SH3GL1: variants seen among roughly 807,000 people sequenced by gnomAD.
SH3GL1 encodes endophilin-A2.
SH3GL1 carries 21 observed loss-of-function variants against 48.8 expected under a neutral mutation model. The observed-to-expected ratio is 0.43, with a 90% CI of 0.30 to 0.62. The LOEUF is 0.62. Among genes scored for constraint, SH3GL1 ranks in the 20% least tolerant of loss-of-function variants. The pLI, the probability that SH3GL1 is intolerant of heterozygous loss-of-function variation, is 0.11. For missense variants in SH3GL1, 454 were observed against 503.0 expected, an observed-to-expected ratio of 0.90 and a Z score of 0.93; for synonymous variants, 282 against 217.5, an observed-to-expected ratio of 1.30 and a Z score of -2.61.
chr19:4,394,089 T>C (rs183998868), intron 1 of SH3GL1, among the ~76,000 whole-genome samples: 261 of 146,728 alleles, frequency 1.8e-3, no homozygotes, highest in African/African-American at 6.4e-3. Context: ...AAGCAATCTT[T>C]CCATTCAAAT....
At chr19:4,365,699 C>T (rs1217717800) in intron 3 of SH3GL1, 74 bp from the exon 4 acceptor site, 4 of 1,590,836 alleles carry the variant, frequency 2.5e-6, no homozygotes, top group Admixed American at 1.7e-5. Context: ...GCAGCCCCCA[C>T]ATCTCCTCCC....
At chr19:4,384,997 G>C (rs556767293) in intron 1 of SH3GL1, among the ~76,000 whole-genome samples, 1 of 151,934 alleles carries the variant, frequency 6.6e-6, no homozygotes, top group South Asian at 2.1e-4. Flanking sequence ...CCAGCTACTC[G>C]GGAGGCTGAG....
chr19:4,361,861 C>G (rs1018024699), intron 9 of SH3GL1, 65 bp from the exon 10 acceptor site: 88 of 1,214,450 alleles, frequency 7.2e-5, no homozygotes, highest in Admixed American at 3.3e-4. Context: ...TCTGGGGTCT[C>G]AGACCTGCTG....
chr19:4,383,651 C>A (rs1037129534), intron 1 of SH3GL1, among the ~76,000 whole-genome samples: 1 of 152,192 alleles, frequency 6.6e-6, no homozygotes, highest in Non-Finnish European at 1.5e-5. Flanking sequence ...CTGTGAGGCT[C>A]ATCCCAGCCT....
intron 1 of SH3GL1, among the ~76,000 whole-genome samples, chr19:4,374,897 T>C (rs1194404115): frequency 6.6e-6 from 1 of 152,040 alleles, no homozygotes; most frequent in Non-Finnish European, 1.5e-5. Flanking sequence ...TGCTGCCCAA[T>C]GGTGGGGGCT....
chr19:4,364,560 A>G (rs1354231440), intron 4 of SH3GL1: 4 of 324,788 alleles, frequency 1.2e-5, no homozygotes, highest in Non-Finnish European at 2.4e-5. Flanking sequence ...CCTCCTGAGT[A>G]AGGGGGATTA....
chr19:4,360,480 C>T lies in SH3GL1; in HGVS notation c.*1120G>A, dbSNP rs937821654. 5.1e-5 allele frequency: 12 copies of T among 234,392 alleles called. No individual in the cohort carries two copies. The highest frequency in any genetic ancestry group is 7.6e-5 in the Non-Finnish European group (9 of 118,790). The allele number at this position is 234,392 out of a possible 1,614,324, so 14.5% of individuals were successfully genotyped here. ...TCATCTCTGCGCCCCTCATGTACTT[C>T]TGACGAGGGGGGTGCAGGGCAGGGC... On this transcript the variant is annotated 3_prime_UTR_variant, in exon 10 of 10. Coordinates refer to ENST00000269886, the MANE Select transcript of SH3GL1 (RefSeq NM_003025.4).
chr19:4,380,413 G>C (rs1342538515), intron 1 of SH3GL1: 2 of 152,966 alleles, frequency 1.3e-5, no homozygotes, highest in African/African-American at 4.8e-5. Flanking sequence ...GGGTGAGGCA[G>C]GAAGGAGGTG....
At chr19:4,362,509 T>C (rs547375714) in intron 8 of SH3GL1, 103 bp downstream of exon 8, 1 of 1,583,096 alleles carries the variant, frequency 6.3e-7, no homozygotes, top group Admixed American at 1.8e-5. Flanking sequence ...GGCTGAGAGC[T>C]GCACCCAGGA....
At chr19:4,393,382 G>C (rs1472616031) in intron 1 of SH3GL1, among the ~76,000 whole-genome samples, 1 of 152,236 alleles carries the variant, frequency 6.6e-6, no homozygotes, top group East Asian at 1.9e-4. Flanking sequence ...CACTTTGAGA[G>C]AATGAGGAGA....
At chr19:4,397,088 G>T (rs1342491587) in intron 1 of SH3GL1, among the ~76,000 whole-genome samples, 1 of 152,120 alleles carries the variant, frequency 6.6e-6, no homozygotes, top group Non-Finnish European at 1.5e-5. Context: ...GAGGGTGAAA[G>T]AGTTGTTATT....
chr19:4,400,233 C>A lies in SH3GL1; in HGVS notation c.45+91G>T. On this transcript the variant is annotated intron_variant, in intron 1 of 9. Transcript: ENST00000269886. This position sits in a 1 kb window ranked among gnomAD's most constrained non-coding sequence, Gnocchi z 4.1. ...GCGCCAACGTCCCCACCTCGGTCCC[C>A]CCGGCCCCCTCCCGGGCCAGGTCGG... The A allele has an allele frequency of 7.0e-7, 1 of 1,424,546 alleles. No individual in the cohort carries two copies. Among genetic ancestry groups the A allele is most frequent in the Non-Finnish European group, 9.5e-7 (1 of 1,053,038 alleles). The allele number at this position is 1,424,546 out of a possible 1,614,324, so 88.2% of individuals were successfully genotyped here.
intron 1 of SH3GL1, among the ~76,000 whole-genome samples, chr19:4,375,085 G>C (rs1175912783): frequency 6.6e-6 from 1 of 152,184 alleles, no homozygotes; most frequent in Admixed American, 6.5e-5. Context: ...GGGCACCTAC[G>C]AGACCCACCT....
chr19:4,380,867 A>C (rs1973106868), intron 1 of SH3GL1, among the ~76,000 whole-genome samples: 3 of 152,112 alleles, frequency 2.0e-5, no homozygotes, highest in Admixed American at 2.0e-4. Flanking sequence ...TGCGAAGTTG[A>C]AGATTAGTTC....
chr19:4,365,323 G>A (rs545574470), intron 4 of SH3GL1, among the ~76,000 whole-genome samples, 159 bp downstream of exon 4: 2 of 152,282 alleles, frequency 1.3e-5, no homozygotes, highest in East Asian at 3.9e-4. Flanking sequence ...TGCTGGATGG[G>A]TTGGTCTGTG....
At chr19:4,374,970 C>T (rs1042708800) in intron 1 of SH3GL1, among the ~76,000 whole-genome samples, 4 of 152,308 alleles carry the variant, frequency 2.6e-5, no homozygotes, top group Admixed American at 1.3e-4. Flanking sequence ...GGTGGCAGGG[C>T]GGTGACCTGG....
intron 1 of SH3GL1, among the ~76,000 whole-genome samples, chr19:4,382,195 T>C (rs1221720732): frequency 6.6e-6 from 1 of 151,878 alleles, no homozygotes; most frequent in Non-Finnish European, 1.5e-5. Context: ...CTATCTCTTG[T>C]TCTCTCTTCC....
intron 5 of SH3GL1, 72 bp downstream of exon 5, chr19:4,364,016 G>A: frequency 6.2e-7 from 1 of 1,606,214 alleles, no homozygotes; most frequent in Non-Finnish European, 8.5e-7. Flanking sequence ...CTGGAGGTGA[G>A]GGTGGCAGGA....
At chr19:4,378,398 AGGC>A (rs1168095825) in intron 1 of SH3GL1, among the ~76,000 whole-genome samples, 1 of 152,074 alleles carries the variant, frequency 6.6e-6, no homozygotes, top group African/African-American at 2.4e-5. Context: ...CAACCATCTC[AGGC>A]GTGGATGTGC....
Sources: gnomAD v4.1 joint callset for allele counts (sites outside exome capture counted in the v4.1 genomes callset) on GRCh38, gnomAD v4.1.1 for gene constraint, Gnocchi (gnomAD v3.1) non-coding constraint, MANE v1.5 for transcripts, NCBI Gene and HGNC (gene_info 2026-07-23, HGNC 2026-07-21) for gene names.